ABHD1: variants seen among roughly 807,000 people sequenced by gnomAD.
ABHD1 encodes protein ABHD1.
ABHD1 carries 47 observed loss-of-function variants against 41.4 expected under a neutral mutation model. That is an observed-to-expected ratio of 1.13 (90% CI 0.90 to 1.45). The LOEUF (loss-of-function observed/expected upper bound fraction) is 1.45, where lower values mean the gene tolerates loss of function less well. ABHD1 is among the 40% of genes most tolerant of loss of function. The pLI is 0.00. For missense variants in ABHD1, 550 were observed against 503.4 expected, an observed-to-expected ratio of 1.09 and a Z score of -0.89; for synonymous variants, 205 against 203.7, an observed-to-expected ratio of 1.01 and a Z score of -0.05.
chr2:27,129,570 C>T lies in ABHD1; in HGVS notation c.561C>T (p.His187=). Reference sequence around the variant, plus strand: ...AAGATCTAGAGACAGTCGTGAACCACATAAAGCATCGTTATCCCCAAGCTC... The same window carrying T: ...AAGATCTAGAGACAGTCGTGAACCATATAAAGCATCGTTATCCCCAAGCTC... ...NTEDLETVVN[H]IKHRYPQAPL... is the part of the protein sequence containing the mutation. The change falls in exon 5 of 9, where the codon CAC becomes CAT. Residue 187 remains histidine, a synonymous_variant. Transcript: ENST00000316470. The T allele has an allele frequency of 6.2e-7, 1 of 1,614,048 alleles. No homozygotes were observed. The highest frequency in any genetic ancestry group is 8.5e-7 in the Non-Finnish European group (1 of 1,180,048).
chr2:27,129,306 T>C lies in ABHD1; in HGVS notation c.459-10T>C. 6.2e-7 allele frequency: 1 copy of C among 1,614,144 alleles called. No individual in the cohort carries two copies. The highest frequency in any genetic ancestry group is 8.5e-7 in the Non-Finnish European group (1 of 1,180,010). ...AGGGTCTGGCTAAGATGTACCTGTG[T>C]GTGCCACAGGGCTGTCGTGTTTAAC... On this transcript the variant is annotated splice_polypyrimidine_tract_variant and intron_variant, in intron 3 of 8. Coordinates refer to ENST00000316470, the MANE Select transcript of ABHD1 (RefSeq NM_032604.4).
In ABHD1 at chr2:27,130,663, G is replaced by C; in HGVS notation, c.1137G>C (p.Gln379His). 1 of 1,614,216 alleles carries C rather than the reference G, an allele frequency of 6.2e-7. No homozygotes were observed. Among genetic ancestry groups the C allele is most frequent in the Non-Finnish European group, 8.5e-7 (1 of 1,180,040 alleles). Residue 379 changes from glutamine to histidine, a missense_variant, in exon 9 of 9, where the codon CAG (glutamine) becomes CAC (histidine). Physicochemically the swap from Gln to His is conservative, Grantham distance 24. Coordinates refer to ENST00000316470, the MANE Select transcript of ABHD1 (RefSeq NM_032604.4). ...GGTACATGAGCCGCCTCTTGCATCA[G>C]TACGCCAAAGCCATCTTCCAGGACC... Reference protein sequence around the residue: ...QHWYMSRLLHQYAKAIFQDPE... With the variant: ...QHWYMSRLLHHYAKAIFQDPE...
intron 3 of ABHD1, 78 bp downstream of exon 3, chr2:27,129,205 G>A (rs752031592): frequency 6.3e-6 from 10 of 1,592,334 alleles, no homozygotes; most frequent in Non-Finnish European, 8.6e-6. Context: ...GACACTGATA[G>A]ATAAGAAGAA....
At chr2:27,127,065 G>A (rs1234238260) in intron 1 of ABHD1, 1 of 151,450 alleles carries the variant, frequency 6.6e-6, no homozygotes, top group Non-Finnish European at 1.5e-5. Context: ...AGTGAGCCGA[G>A]ATCACGCCAC....
intron 1 of ABHD1, chr2:27,124,759 T>C (rs1238776753): frequency 1.2e-5 from 2 of 166,876 alleles, no homozygotes; most frequent in African/African-American, 4.8e-5. Context: ...GTTCGAGTCC[T>C]TTAAAAAGGT....
Position 27,123,887 on chromosome 2 carries a change from G to T in ABHD1, c.-62G>T. On this transcript the variant is annotated 5_prime_UTR_variant, in exon 1 of 9. An upstream open reading frame in the 5' UTR gains an earlier in-frame stop. Transcript: ENST00000316470. ...TATGGCGGGCGGCGGGTGGGACCGC[G>T]AGTTACAGCCGGCCAACTGGGGCCA... 7.0e-7 allele frequency: 1 copy of T among 1,423,466 alleles called. No individual in the cohort carries two copies. Among genetic ancestry groups the T allele is most frequent in the South Asian group, 1.2e-5 (1 of 80,344 alleles). 88.2% of individuals were successfully genotyped at this position (1,423,466 alleles called of 1,614,324 possible).
chr2:27,126,880 T>C (rs1671977481), intron 1 of ABHD1: 1 of 149,156 alleles, frequency 6.7e-6, no homozygotes, highest in African/African-American at 2.5e-5. Context: ...GGTGGGCGGA[T>C]CACGAGGTCA....
At chr2:27,128,699 TC>T in intron 2 of ABHD1, 98 bp downstream of exon 2, 2 of 1,503,766 alleles carry the variant, frequency 1.3e-6, no homozygotes, top group Non-Finnish European at 1.8e-6. Context: ...CTCATCTACA[TC>T]CCTGTGTTGA....
chr2:27,130,439 CTT>C (rs1672188527), intron 8 of ABHD1, 23 bp downstream of exon 8: 1 of 1,613,662 alleles, frequency 6.2e-7, no homozygotes, highest in Non-Finnish European at 8.5e-7. Flanking sequence ...ATTCAGGACA[CTT>C]TGGCCCCAAG....
chr2:27,128,393 C>T (rs942151715), intron 1 of ABHD1, 48 bp from the exon 2 acceptor site: 1 of 1,611,584 alleles, frequency 6.2e-7, no homozygotes. Flanking sequence ...GCCTCACTAG[C>T]TTGGTGCAAA....
intron 1 of ABHD1, chr2:27,124,729 G>C (rs141034899): frequency 2.3e-5 from 4 of 171,004 alleles, no homozygotes; most frequent in South Asian, 1.2e-4. Flanking sequence ...AGGTAGCTGA[G>C]TCTAACAAGA....
At position 27,123,873 on chromosome 2, in the gene ABHD1, G is replaced by A; in HGVS notation, c.-76G>A. ...CTGCACAGGCCGCCTATGGCGGGCGGCGGGTGGGACCGCGAGTTACAGCCG... is the reference window on the plus strand; with the variant it reads ...CTGCACAGGCCGCCTATGGCGGGCGACGGGTGGGACCGCGAGTTACAGCCG... On this transcript the variant is annotated 5_prime_UTR_variant, in exon 1 of 9. Coordinates refer to ENST00000316470, the MANE Select transcript of ABHD1 (RefSeq NM_032604.4). The A allele has an allele frequency of 1.6e-6, 2 of 1,231,506 alleles. No individual in the cohort carries two copies. Among genetic ancestry groups the A allele is most frequent in the Non-Finnish European group, 2.3e-6 (2 of 877,848 alleles). The allele number at this position is 1,231,506 out of a possible 1,614,324, so 76.3% of individuals were successfully genotyped here.
Position 27,129,929 on chromosome 2 carries a change from T to A in ABHD1, c.791+2T>A. Reference sequence around the variant, plus strand: ...TGGGCTCTGCCAACTTGTGGAACGGTAGGGTCGTGGCAAGTGGGAGGAGGC... The same window carrying A: ...TGGGCTCTGCCAACTTGTGGAACGGAAGGGTCGTGGCAAGTGGGAGGAGGC... On this transcript the variant is annotated splice_donor_variant, in intron 6 of 8. Transcript: ENST00000316470. LOFTEE classifies it high-confidence loss of function. The A allele has an allele frequency of 1.1e-5, 18 of 1,613,840 alleles. No homozygotes were observed. The highest frequency in any genetic ancestry group is 1.5e-5 in the Non-Finnish European group (18 of 1,179,972).
At position 27,127,132 on chromosome 2, in the gene ABHD1, T is replaced by C. The variant is rs368567159; in HGVS notation, c.115-1309T>C. ...GTGTCTCAAAAAAACCCCTTGGCAG[T>C]GAGCAAGAACATTAGAGAATAGGAA... On this transcript the variant is annotated intron_variant, in intron 1 of 8. Transcript: ENST00000316470. Among the ~76,000 whole-genome samples, 6 of 148,328 alleles carry C rather than the reference T, an allele frequency of 4.0e-5. No individual in the cohort carries two copies. In the East Asian group the frequency reaches 6.0e-4, roughly 15 times the overall value.
At chr2:27,126,390 G>C (rs182195542) in intron 1 of ABHD1, 17 of 152,342 alleles carry the variant, frequency 1.1e-4, no homozygotes, top group Admixed American at 1.1e-3. Flanking sequence ...TTAAGGACTA[G>C]GGTCCAAAGT....
rs34178136 is a variant in ABHD1 at position 27,130,568 on chromosome 2, G to A, written c.1042G>A (p.Val348Ile). 1.0e-3 allele frequency: 1,676 copies of A among 1,614,122 alleles called. 10 individuals carry two copies. Among genetic ancestry groups the A allele is most frequent in the African/African-American group, 9.9e-3 (745 of 75,052 alleles). Residue 348 changes from valine to isoleucine, a missense_variant, in exon 9 of 9, where the codon GTT becomes ATT. By Grantham distance (29) the Val-to-Ile change is conservative (BLOSUM62 3). Transcript: ENST00000316470. ...ACAGGCCGCCCAACACTCCCCCTAC[G>A]TTGCGCTGCTCATCACAGCCCGGGG... The part of the protein sequence containing the change: ...PIQAAQHSPY[V>I]ALLITARGGH...
At position 27,129,125 on chromosome 2, in the gene ABHD1, C is replaced by A; in HGVS notation, c.456C>A (p.Tyr152Ter). The A allele has an allele frequency of 6.2e-7, 1 of 1,612,274 alleles. No individual in the cohort carries two copies. The highest frequency in any genetic ancestry group is 8.5e-7 in the Non-Finnish European group (1 of 1,179,390). Residue 152 changes from tyrosine to a stop codon, truncating the protein, a stop_gained and splice_region_variant, in exon 3 of 9, where the codon TAC (tyrosine) becomes TAA (stop). Coordinates refer to ENST00000316470, the MANE Select transcript of ABHD1 (RefSeq NM_032604.4). LOFTEE classifies it high-confidence loss of function. The part of the protein sequence containing the change: ...HLVNQALRDG[Y>*]QAVVFNNRGC... Reference sequence around the variant, plus strand: ...TTAACCAAGCTCTGAGGGATGGCTACCAGTAAGGATGGGTGCAGCCCCAGA... The same window carrying A: ...TTAACCAAGCTCTGAGGGATGGCTAACAGTAAGGATGGGTGCAGCCCCAGA...
chr2:27,129,784 C>G lies in ABHD1; in HGVS notation c.648C>G (p.Ala216=). 6.2e-7 allele frequency: 1 copy of G among 1,614,182 alleles called. No homozygotes were observed. Among genetic ancestry groups the G allele is most frequent in the Non-Finnish European group, 8.5e-7 (1 of 1,180,024 alleles). Residue 216 remains alanine (A), a synonymous_variant, in exon 6 of 9, where the codon GCC becomes GCG. Coordinates refer to ENST00000316470, the MANE Select transcript of ABHD1 (RefSeq NM_032604.4). ...GILVLNHLAQ[A]RQAAGLVAAL... is the part of the protein sequence containing the mutation. ...TGGTGCTGAATCACCTGGCACAGGC[C>G]AGGCAGGCTGCAGGGCTGGTGGCAG...
intron 1 of ABHD1, chr2:27,124,518 A>G: frequency 2.9e-6 from 1 of 341,136 alleles, no homozygotes; most frequent in Non-Finnish European, 5.7e-6. Flanking sequence ...GGCCTAGCTC[A>G]GAACTGATGG....
Sources: allele counts gnomAD v4.1 joint callset (sites outside exome capture counted in the v4.1 genomes callset), GRCh38; gene constraint gnomAD v4.1.1; transcripts MANE v1.5; gene names NCBI Gene and HGNC (gene_info 2026-07-23, HGNC 2026-07-21).